Variants in ENTPD3 observed in about 807,000 individuals in gnomAD.
ENTPD3 encodes ectonucleoside triphosphate diphosphohydrolase 3.
In ENTPD3, 60 loss-of-function variants were observed where a neutral mutation model predicts 51.2. The ratio of observed to expected loss-of-function variants is 1.17; its 90% CI spans 0.95 to 1.45. The LOEUF (loss-of-function observed/expected upper bound fraction) is 1.45, where lower values mean the gene tolerates loss of function less well. Among genes scored for constraint, ENTPD3 ranks in the 40% most tolerant of loss-of-function variants. The pLI is 0.00. For synonymous variants in ENTPD3, 221 were observed against 238.4 expected, an observed-to-expected ratio of 0.93 and a Z score of 0.67; for missense variants, 593 against 641.1, an observed-to-expected ratio of 0.93 and a Z score of 0.81.
intron 4 of ENTPD3, among the ~76,000 whole-genome samples, chr3:40,404,926 T>A (rs1198936060): frequency 6.6e-6 from 1 of 152,168 alleles, no homozygotes; most frequent in African/African-American, 2.4e-5. Flanking sequence ...CTGTTTTCCA[T>A]GAGTTCATTG....
Position 40,411,672 on chromosome 3 carries a change from G to C in ENTPD3, c.287-140G>C. The C allele has an allele frequency of 4.5e-6, 3 of 670,324 alleles. No homozygotes were observed. In the South Asian group the frequency reaches 8.2e-5, roughly 18 times the overall value. The allele number at this position is 670,324 out of a possible 1,614,324, so 41.5% of individuals were successfully genotyped here. A position where few individuals can be genotyped will look rare whatever the true frequency, so the allele number is the denominator to read the frequency against. ...AGTATACTGATCAGTGTGACCATAC[G>C]GGACTTACCACATCCAGCTGTTTTC... On this transcript the variant is annotated intron_variant, in intron 4 of 10. Coordinates refer to ENST00000301825, the MANE Select transcript of ENTPD3 (RefSeq NM_001248.4).
In ENTPD3 at chr3:40,423,599, T is replaced by A. The variant is rs971204770; in HGVS notation, c.1215+198T>A. 2.8e-4 allele frequency among the ~76,000 whole-genome samples: 43 copies of A among 152,244 alleles called. 1 individual carries two copies. Among genetic ancestry groups the A allele is most frequent in the African/African-American group, 1.0e-3 (42 of 41,464 alleles). ...ACTACATGCACAATGGTTAGAACAA[T>A]ATTTGGCATATAATAAGCACTCAAT... On this transcript the variant is annotated intron_variant, in intron 9 of 10. Coordinates refer to ENST00000301825, the MANE Select transcript of ENTPD3 (RefSeq NM_001248.4).
chr3:40,398,940 CA>C (rs1269350675), intron 3 of ENTPD3, among the ~76,000 whole-genome samples: 2 of 152,096 alleles, frequency 1.3e-5, no homozygotes, highest in Non-Finnish European at 2.9e-5. Context: ...ATTGCATGGC[CA>C]GATGCGGTAG....
At chr3:40,420,535 C>G (rs1466237) in intron 7 of ENTPD3, among the ~76,000 whole-genome samples, 63,622 of 151,790 alleles carry the variant, frequency 0.42, 14,494 homozygotes, top group African/African-American at 0.6. Flanking sequence ...CACCACGCCC[C>G]GCATATTTTT....
chr3:40,428,371 T>A lies in ENTPD3; in HGVS notation c.*863T>A, dbSNP rs1402501651. On this transcript the variant is annotated 3_prime_UTR_variant, in exon 11 of 11. Coordinates refer to ENST00000301825, the MANE Select transcript of ENTPD3 (RefSeq NM_001248.4). ...ACCATTCCCACAAGTATACTTGATG[T>A]TGTCATAGAACGAACATCCTACTCT... 6.6e-6 allele frequency: 1 copy of A among 152,228 alleles called. No homozygotes were observed. The highest frequency in any genetic ancestry group is 2.4e-5 in the African/African-American group (1 of 41,454). The allele number at this position is 152,228 out of a possible 1,614,324, so 9.4% of individuals were successfully genotyped here. A position where few individuals can be genotyped will look rare whatever the true frequency, so the allele number is the denominator to read the frequency against.
intron 4 of ENTPD3, among the ~76,000 whole-genome samples, chr3:40,408,567 C>T (rs1196649915): frequency 1.3e-5 from 2 of 152,104 alleles, no homozygotes; most frequent in Non-Finnish European, 2.9e-5. Context: ...TTTTTGTTGG[C>T]TTTATTGGCA....
At position 40,392,122 on chromosome 3, in the gene ENTPD3, A is replaced by G; in HGVS notation, c.140A>G (p.Lys47Arg). ...AGTATCACTGTCATCCAGATCCACA[A>G]GCAAGAGGTCCTCCCTCCAGGACTG... The part of the protein sequence containing the change: ...LVSITVIQIH[K>R]QEVLPPGLKY... The change falls in exon 3 of 11, where the codon AAG (lysine) becomes AGG (arginine). Residue 47 changes from lysine (K) to arginine (R), a missense_variant. Lys to Arg is a conservative substitution (Grantham distance 26). Transcript: ENST00000301825. The G allele has an allele frequency of 3.1e-6, 5 of 1,614,252 alleles. No homozygotes were observed. The highest frequency in any genetic ancestry group is 4.2e-6 in the Non-Finnish European group (5 of 1,180,052).
At chr3:40,405,341 C>T (rs1301622814) in intron 4 of ENTPD3, among the ~76,000 whole-genome samples, 1 of 151,874 alleles carries the variant, frequency 6.6e-6, no homozygotes, top group Non-Finnish European at 1.5e-5. Context: ...TCCATCTCTA[C>T]TAAGAATACA....
At position 40,427,367 on chromosome 3, in the gene ENTPD3, A is replaced by C. The variant is rs1559520914; in HGVS notation, c.1449A>C (p.Glu483Asp). The C allele has an allele frequency of 6.2e-7, 1 of 1,614,008 alleles. No individual in the cohort carries two copies. The highest frequency in any genetic ancestry group is 2.2e-5 in the East Asian group (1 of 44,868). Residue 483 changes from glutamate (E) to aspartate (D), a missense_variant, in exon 11 of 11, where the codon GAA (glutamate) becomes GAC (aspartate). Physicochemically the swap from Glu to Asp is conservative, Grantham distance 45. Transcript: ENST00000301825. ...AESPLIRLPI[E>D]PPVFVGTLAF... Reference sequence around the variant, plus strand: ...GCCCTCTGATCCGTCTGCCCATAGAACCACCTGTCTTTGTGGGCACCCTCG... The same window carrying C: ...GCCCTCTGATCCGTCTGCCCATAGACCCACCTGTCTTTGTGGGCACCCTCG...
intron 4 of ENTPD3, among the ~76,000 whole-genome samples, chr3:40,402,123 C>CCTTTTTTTT (rs753719002): frequency 1.5e-4 from 14 of 95,024 alleles, no homozygotes; most frequent in African/African-American, 5.1e-4. Context: ...TTTTTTTTTT[C>CCTTTTTTTT]TTTTTTTTTT....
intron 3 of ENTPD3, among the ~76,000 whole-genome samples, chr3:40,397,430 C>G (rs1383755585): frequency 6.6e-6 from 1 of 152,016 alleles, no homozygotes; most frequent in Admixed American, 6.6e-5. Context: ...CAGGCTTGAT[C>G]CCAGGTCTGT....
chr3:40,400,853 A>C (rs1024088992), intron 3 of ENTPD3, 41 bp from the exon 4 acceptor site: 3 of 1,500,086 alleles, frequency 2.0e-6, no homozygotes, highest in Non-Finnish European at 2.8e-6. Flanking sequence ...TCCTCAGAGG[A>C]GTCCCGCCCA....
intron 5 of ENTPD3, among the ~76,000 whole-genome samples, chr3:40,413,156 C>A (rs1223241433): frequency 6.6e-6 from 1 of 152,192 alleles, no homozygotes; most frequent in Non-Finnish European, 1.5e-5. Context: ...TATAGAAAAG[C>A]CAGCTGCAGG....
At chr3:40,405,965 C>G (rs1245272017) in intron 4 of ENTPD3, among the ~76,000 whole-genome samples, 1 of 151,964 alleles carries the variant, frequency 6.6e-6, no homozygotes, top group African/African-American at 2.4e-5. Context: ...TTCTTGGCAC[C>G]AGGAATTCAG....
In ENTPD3 at chr3:40,400,274, A is replaced by G. The variant is rs573733989; in HGVS notation, c.169-620A>G. On this transcript the variant is annotated intron_variant, in intron 3 of 10. Transcript: ENST00000301825. ...GAGTGAACTGCATCTCAAAAAAAAA[A>G]AAAAAAAGAAAAAAGGAAATGCCTC... 2.8e-3 allele frequency among the ~76,000 whole-genome samples: 426 copies of G among 150,482 alleles called. 4 individuals are homozygous for G. The highest frequency in any genetic ancestry group is 4.1e-3 in the Non-Finnish European group (275 of 66,714).
intron 3 of ENTPD3, among the ~76,000 whole-genome samples, chr3:40,396,629 C>T (rs75965075): frequency 0.047 from 7,204 of 152,236 alleles, 229 homozygotes; most frequent in Middle Eastern, 0.088. Context: ...TGACTTGCTC[C>T]ACAAGCTTGA....
intron 4 of ENTPD3, 48 bp downstream of exon 4, chr3:40,401,059 G>C (rs748892001): frequency 7.0e-7 from 1 of 1,434,446 alleles, no homozygotes; most frequent in East Asian, 2.3e-5. Flanking sequence ...GCAAGGTAGA[G>C]TTCTAAGTGT....
Position 40,387,250 on chromosome 3 carries a change from G to C in ENTPD3, c.-24G>C, listed in dbSNP as rs995010297. Reference sequence around the variant, plus strand: ...CAGCGCTAGTCGCCTTCTCCGAATCGGCTCCGCACAGGTAAGATCAGGGGA... The same window carrying C: ...CAGCGCTAGTCGCCTTCTCCGAATCCGCTCCGCACAGGTAAGATCAGGGGA... On this transcript the variant is annotated 5_prime_UTR_variant, in exon 1 of 11. Transcript: ENST00000301825. The C allele has an allele frequency of 1.5e-4, 23 of 152,442 alleles. No homozygotes were observed. The highest frequency in any genetic ancestry group is 5.3e-4 in the African/African-American group (22 of 41,600). 9.4% of individuals were successfully genotyped at this position (152,442 alleles called of 1,614,324 possible).
Position 40,417,992 on chromosome 3 carries a change from T to G in ENTPD3, c.831+1919T>G, listed in dbSNP as rs144747952. 2.0e-3 allele frequency among the ~76,000 whole-genome samples: 303 copies of G among 152,264 alleles called. 4 individuals carry two copies. Among genetic ancestry groups the G allele is most frequent in the East Asian group, 0.011 (55 of 5,168 alleles). ...TGCGTGCCTCTGTGTGTTTTTGTAC[T>G]CATACAATGTTTACTAAAGAATGAT... On this transcript the variant is annotated intron_variant, in intron 7 of 10. Coordinates refer to ENST00000301825, the MANE Select transcript of ENTPD3 (RefSeq NM_001248.4).
Sources: allele counts gnomAD v4.1 joint callset (sites outside exome capture counted in the v4.1 genomes callset), GRCh38; gene constraint gnomAD v4.1.1; transcripts MANE v1.5; gene names NCBI Gene and HGNC (gene_info 2026-07-23, HGNC 2026-07-21).